The following NBAS variants were observed in gnomAD, a reference collection of about 807,000 sequenced individuals.
NBAS encodes the protein NBAS subunit of NRZ tethering complex, also known as NAG/BC035112 fusion.
Under a neutral mutation model 302.5 loss-of-function variants are expected in NBAS, and 219 were observed. The observed-to-expected ratio is 0.72, with a 90% confidence interval of 0.65 to 0.81. The LOEUF (loss-of-function observed/expected upper bound fraction) is 0.81. Among genes scored for constraint, NBAS ranks in the 30% least tolerant of loss-of-function variants. The pLI, the probability that NBAS is intolerant of heterozygous loss-of-function variation, is 0.00. For missense variants in NBAS, 2,932 were observed against 2,841.6 expected (o/e 1.03, Z -0.72); for synonymous variants, 1,118 against 1,021.6 (o/e 1.09, Z -1.80).
At chr2:15,096,166 A>G in the NBAS span, among the ~76,000 whole-genome samples, 3 of 152,268 alleles carry the variant, frequency 2.0e-5, no homozygotes, top group Admixed American at 2.0e-4. Flanking sequence ...CAGCTCAGAC[A>G]CAAGGCTGAA....
At chr2:15,167,380 C>G in intron 51 of NBAS, 57 bp from the exon 52 acceptor site, 1 of 1,595,506 alleles carries the variant, frequency 6.3e-7, no homozygotes, top group Non-Finnish European at 8.6e-7. Flanking sequence ...TCGCCTCCCC[C>G]TTGGATCCCT....
intron 21 of NBAS, among the ~76,000 whole-genome samples, chr2:15,435,830 T>C (rs552997316): frequency 7.9e-5 from 12 of 152,328 alleles, no homozygotes; most frequent in African/African-American, 2.9e-4. Context: ...CCTGAAGTTC[T>C]TATCTATTGT....
the NBAS span, among the ~76,000 whole-genome samples, chr2:15,080,607 T>G: frequency 7.2e-5 from 11 of 152,248 alleles, no homozygotes; most frequent in Admixed American, 5.2e-4. Flanking sequence ...TGGGTAAGTT[T>G]TCTGCTTCAT....
Position 15,326,070 on chromosome 2 carries a change from T to C in NBAS, c.4582+1680A>G, listed in dbSNP as rs377359764. ...ATTTATCAATTAAGTTTACATCTTA[T>C]ATTGGTGCAGTTCATGGTGCCCCAA... is the stretch of plus-strand genomic sequence containing the variant. On this transcript the variant is annotated intron_variant, in intron 38 of 51. Coordinates refer to ENST00000281513, the MANE Select transcript of NBAS (RefSeq NM_015909.4). Among the ~76,000 whole-genome samples the C allele has an allele frequency of 9.8e-5, 15 of 152,332 alleles. No homozygotes were observed. In the East Asian group the frequency reaches 1.3e-3, roughly 14 times the overall value.
chr2:14,828,236 C>T, the NBAS span, among the ~76,000 whole-genome samples: 86,463 of 151,970 alleles, frequency 0.57, 26,950 homozygotes, highest in African/African-American at 0.84. Flanking sequence ...ATGTGATGTG[C>T]GTATGGAAGA....
intron 9 of NBAS, among the ~76,000 whole-genome samples, chr2:15,519,123 A>G (rs1662542973): frequency 6.6e-6 from 1 of 152,230 alleles, no homozygotes; most frequent in South Asian, 2.1e-4. Context: ...TTTGCTAAAA[A>G]GAAACTATAT....
At position 15,379,752 on chromosome 2, in the gene NBAS, C is replaced by T; in HGVS notation, c.3440G>A (p.Cys1147Tyr). Residue 1147 changes from cysteine to tyrosine, a missense_variant, in exon 30 of 52, where the codon TGT becomes TAT. By Grantham distance (194) the Cys-to-Tyr change is radical. Coordinates refer to ENST00000281513, the MANE Select transcript of NBAS (RefSeq NM_015909.4). ...LAGQMMHCSA[C>Y]SENPPAGIAH... ...TATACCAGCTGGAGGATTTTCTGAA[C>T]AAGCACTGCAGTGCATCATCTGTCC... 9 of 1,613,996 alleles carry T rather than the reference C, an allele frequency of 5.6e-6. No homozygotes were observed. The highest frequency in any genetic ancestry group is 7.6e-6 in the Non-Finnish European group (9 of 1,179,984).
At chr2:14,992,532 T>C in the NBAS span, among the ~76,000 whole-genome samples, 2 of 152,218 alleles carry the variant, frequency 1.3e-5, no homozygotes, top group African/African-American at 2.4e-5. Flanking sequence ...TTGGACACAA[T>C]AGTGCTTCAA....
intron 48 of NBAS, among the ~76,000 whole-genome samples, chr2:15,207,390 C>T (rs1468233644): frequency 3.3e-5 from 5 of 152,112 alleles, no homozygotes; most frequent in Admixed American, 2.0e-4. Context: ...GAAAACAACT[C>T]GTCTTGTCTC....
chr2:15,157,495 C>T, the NBAS span, among the ~76,000 whole-genome samples: 3 of 152,222 alleles, frequency 2.0e-5, no homozygotes, highest in Non-Finnish European at 4.4e-5. Context: ...CGCAGCATGA[C>T]ACCCTCACCT....
chr2:15,554,013 G>A (rs2148713334), intron 4 of NBAS, 48 bp downstream of exon 4: 2 of 1,509,738 alleles, frequency 1.3e-6, no homozygotes, highest in South Asian at 2.3e-5. Flanking sequence ...ATAATGAAAT[G>A]TAAAAGCTAA....
chr2:15,309,586 T>C (rs542749805), intron 38 of NBAS, among the ~76,000 whole-genome samples: 1 of 152,274 alleles, frequency 6.6e-6, no homozygotes, highest in African/African-American at 2.4e-5. Context: ...AAATTGTGTA[T>C]CAATGTTAGC....
chr2:15,067,419 GGAGGGGAGAGGAGGGGAGAGGAGGGGAGA>G, the NBAS span, among the ~76,000 whole-genome samples: 27 of 27,190 alleles, frequency 9.9e-4, no homozygotes, highest in South Asian at 4.9e-3. Flanking sequence ...GGAGGGGAGA[GGAGGGGAGAGGAGGGGAGAGGAGGGGAGA>G]GGAGGGGAGA....
the NBAS span, among the ~76,000 whole-genome samples, chr2:15,106,216 G>A: frequency 1.1e-4 from 16 of 151,636 alleles, no homozygotes; most frequent in African/African-American, 3.4e-4. Context: ...CCTTAGGAGA[G>A]CTTTTCAAAA....
At chr2:14,905,115 G>A in the NBAS span, among the ~76,000 whole-genome samples, 1 of 152,212 alleles carries the variant, frequency 6.6e-6, no homozygotes, top group Non-Finnish European at 1.5e-5. Flanking sequence ...CAGCAGATTG[G>A]ATGGTGCCCA....
At chr2:15,275,909 T>C (rs1284618159) in intron 43 of NBAS, 91 bp from the exon 44 acceptor site, 6 of 1,109,106 alleles carry the variant, frequency 5.4e-6, no homozygotes, top group East Asian at 2.4e-5. Flanking sequence ...CCTCTATATG[T>C]CTGAACGCAA....
chr2:15,190,360 A>C lies in NBAS; in HGVS notation c.6476T>G (p.Leu2159Arg). 6.2e-7 allele frequency: 1 copy of C among 1,614,078 alleles called. No individual in the cohort carries two copies. The highest frequency in any genetic ancestry group is 8.5e-7 in the Non-Finnish European group (1 of 1,179,930). Residue 2159 changes from leucine to arginine, a missense_variant, in exon 49 of 52, where the codon CTA (leucine) becomes CGA (arginine). By Grantham distance (102) the Leu-to-Arg change is moderately radical (BLOSUM62 -2). Transcript: ENST00000281513. The stretch of plus-strand genomic sequence containing the variant: ...ACTAGATTCCAGGAGTTCCATGAAT[A>C]GACAGTAGCGGTTCTCTTCATTCTC... The part of the protein sequence containing the change: ...DIENEENRYC[L>R]FMELLESSHH...
intron 3 of NBAS, among the ~76,000 whole-genome samples, chr2:15,555,444 C>T (rs1664601783): frequency 6.6e-6 from 1 of 151,860 alleles, no homozygotes; most frequent in African/African-American, 2.4e-5. Flanking sequence ...AGGGAAAGGA[C>T]TTGAGATGTA....
At chr2:15,419,424 T>C (rs1677105440) in intron 23 of NBAS, among the ~76,000 whole-genome samples, 1 of 152,020 alleles carries the variant, frequency 6.6e-6, no homozygotes, top group Non-Finnish European at 1.5e-5. Flanking sequence ...TGTGTGTCTG[T>C]GTTAGAGGCA....
Sources: allele counts gnomAD v4.1 joint callset (sites outside exome capture counted in the v4.1 genomes callset), GRCh38; gene constraint gnomAD v4.1.1; transcripts MANE v1.5; gene names NCBI Gene and HGNC (gene_info 2026-07-23, HGNC 2026-07-21).